Variants in NPAS3 observed in about 807,000 individuals in gnomAD.
NPAS3 encodes neuronal PAS domain protein 3.
A neutral mutation model predicts 73.1 loss-of-function variants in NPAS3; 14 were observed. That is an observed-to-expected ratio of 0.19 (90% CI 0.13 to 0.30). The LOEUF is 0.30. NPAS3 is among the 10% of genes least tolerant of loss of function. The pLI is 1.00. For synonymous variants in NPAS3, 620 were observed against 541.5 expected (o/e 1.14, Z -2.01); for missense variants, 1,096 against 1,250.0 (o/e 0.88, Z 1.86).
rs183653629 is a variant in NPAS3 at position 33,531,081 on chromosome 14, A to G, written c.469-29040A>G. ...GTTTTGTTCTTTTATGTGTTTGAAG[A>G]TGTCTGAGAAGACTATCTTTTGGTT... On this transcript the variant is annotated intron_variant, in intron 4 of 11. Coordinates refer to ENST00000356141, the Ensembl canonical transcript of NPAS3. Among the ~76,000 whole-genome samples, 6 of 152,170 alleles carry G rather than the reference A, an allele frequency of 3.9e-5. No homozygotes were observed. The East Asian group carries it at 9.7e-4, about 24-fold the overall frequency.
chr14:33,750,737 T>A (rs1205772612), intron 7 of NPAS3, among the ~76,000 whole-genome samples: 1 of 152,204 alleles, frequency 6.6e-6, no homozygotes, highest in Non-Finnish European at 1.5e-5. Context: ...CTGTACTGGG[T>A]ACTGGGAAGA....
chr14:33,199,014 C>A, intron 2 of NPAS3, among the ~76,000 whole-genome samples: 1 of 152,066 alleles, frequency 6.6e-6, no homozygotes, highest in South Asian at 2.1e-4. Context: ...CCGGCGGTGC[C>A]GGCCTGCTGG....
At chr14:33,685,242 T>C (rs2060057402) in intron 6 of NPAS3, among the ~76,000 whole-genome samples, 1 of 152,074 alleles carries the variant, frequency 6.6e-6, no homozygotes, top group Admixed American at 6.6e-5. Flanking sequence ...GTAATGAGGA[T>C]CAGGACACTA....
intron 4 of NPAS3, among the ~76,000 whole-genome samples, chr14:33,398,762 C>T (rs980562639): frequency 6.6e-6 from 1 of 152,062 alleles, no homozygotes; most frequent in African/African-American, 2.4e-5. Flanking sequence ...CTTCAGTTAT[C>T]CCCACATAGT....
At position 33,746,884 on chromosome 14, in the gene NPAS3, T is replaced by TC. The variant is rs1277987796; in HGVS notation, c.852+11555dup. ...GCATTAGGTATATCTCCCAATGCTA[T>TC]CCCTCCCCCGTCCCCCCACCCCACC... On this transcript the variant is annotated intron_variant, in intron 7 of 11. Coordinates refer to ENST00000356141, the Ensembl canonical transcript of NPAS3. 5.3e-4 allele frequency among the ~76,000 whole-genome samples: 77 copies of TC among 145,550 alleles called. 1 individual carries two copies. The highest frequency in any genetic ancestry group is 8.2e-4 in the Non-Finnish European group (55 of 67,476).
chr14:32,985,902 G>C (rs1309122005), intron 1 of NPAS3, among the ~76,000 whole-genome samples: 2 of 152,182 alleles, frequency 1.3e-5, no homozygotes, highest in Admixed American at 1.3e-4. Context: ...AAATGGCTTT[G>C]AGTGAGTCGT....
chr14:33,768,558 A>T (rs941028143), intron 7 of NPAS3, among the ~76,000 whole-genome samples: 4 of 152,198 alleles, frequency 2.6e-5, no homozygotes, highest in Non-Finnish European at 5.9e-5. Context: ...GTAAAGGAGG[A>T]GGTGGGGTAA....
At chr14:33,393,409 C>T (rs577957753) in intron 4 of NPAS3, among the ~76,000 whole-genome samples, 173 of 152,290 alleles carry the variant, frequency 1.1e-3, no homozygotes, top group African/African-American at 4.0e-3. Context: ...TCATTACTCA[C>T]AACTATGCAC....
chr14:33,506,980 T>G (rs714754), intron 4 of NPAS3, among the ~76,000 whole-genome samples: 1 of 151,398 alleles, frequency 6.6e-6, no homozygotes, highest in African/African-American at 2.4e-5. Flanking sequence ...TAAGTTTTAA[T>G]CAGGCCAAAG....
At chr14:33,310,584 A>C (rs988796277) in intron 3 of NPAS3, among the ~76,000 whole-genome samples, 1 of 152,188 alleles carries the variant, frequency 6.6e-6, no homozygotes, top group African/African-American at 2.4e-5. Context: ...CTTTAAATGA[A>C]GTGACCATGA....
intron 4 of NPAS3, among the ~76,000 whole-genome samples, chr14:33,476,424 A>G (rs2051041084): frequency 6.6e-6 from 1 of 152,208 alleles, no homozygotes. Flanking sequence ...TAACTAGGCC[A>G]ATTAAGTAGA....
At chr14:33,137,328 C>G (rs1259178998) in intron 2 of NPAS3, among the ~76,000 whole-genome samples, 1 of 152,084 alleles carries the variant, frequency 6.6e-6, no homozygotes, top group Non-Finnish European at 1.5e-5. Context: ...TTGATGTAGC[C>G]TCTGGCAACA....
At chr14:33,555,432 A>G (rs1450538921) in intron 4 of NPAS3, among the ~76,000 whole-genome samples, 1 of 152,174 alleles carries the variant, frequency 6.6e-6, no homozygotes, top group East Asian at 1.9e-4. Flanking sequence ...CGCCTGTTGA[A>G]AACAGTGGGC....
chr14:33,670,517 A>G (rs2059580553), intron 5 of NPAS3, among the ~76,000 whole-genome samples: 1 of 152,208 alleles, frequency 6.6e-6, no homozygotes, highest in South Asian at 2.1e-4. Context: ...AGATGGCATT[A>G]AGATACCGGT....
At chr14:33,476,456 G>A (rs2051042263) in intron 4 of NPAS3, among the ~76,000 whole-genome samples, 1 of 152,160 alleles carries the variant, frequency 6.6e-6, no homozygotes. Flanking sequence ...AGAATAAGAA[G>A]TGGAAGCAAA....
At chr14:33,487,948 G>C (rs1329433596) in intron 4 of NPAS3, among the ~76,000 whole-genome samples, 2 of 152,116 alleles carry the variant, frequency 1.3e-5, no homozygotes, top group Non-Finnish European at 2.9e-5. Context: ...ATGTCTACAA[G>C]TGTATATTTG....
intron 2 of NPAS3, among the ~76,000 whole-genome samples, chr14:33,068,880 G>A (rs541352629): frequency 1.3e-5 from 2 of 152,104 alleles, no homozygotes; most frequent in East Asian, 1.9e-4. Flanking sequence ...AGTGTGGTGG[G>A]GGCTGAATGA....
At chr14:33,117,050 G>A (rs1242388213) in intron 2 of NPAS3, among the ~76,000 whole-genome samples, 1 of 152,028 alleles carries the variant, frequency 6.6e-6, no homozygotes, top group Non-Finnish European at 1.5e-5. Context: ...TAATCCGTTA[G>A]TATTACAGCA....
rs544393816 is a variant in NPAS3, at chr14:33,572,538, C to T, written c.558+12328C>T. Among the ~76,000 whole-genome samples the T allele has an allele frequency of 2.6e-5, 4 of 152,190 alleles. No homozygotes were observed. In the East Asian group the frequency reaches 5.8e-4, roughly 22 times the overall value. On this transcript the variant is annotated intron_variant, in intron 5 of 11. Coordinates refer to ENST00000356141, the Ensembl canonical transcript of NPAS3. ...AGGCAAAGAGGTTAAATAGCTTGCC[C>T]AAGATCATACAACAAGGAAGTGGCA...
Sources: allele counts gnomAD v4.1 joint callset (sites outside exome capture counted in the v4.1 genomes callset), GRCh38; gene constraint gnomAD v4.1.1; transcripts MANE v1.5; gene names NCBI Gene and HGNC (gene_info 2026-07-23, HGNC 2026-07-21).